IL1RAPL1: variants seen among roughly 807,000 people sequenced by gnomAD.
The protein encoded by IL1RAPL1 is interleukin 1 receptor accessory protein like 1, also known as interleukin-1 receptor accessory protein-like 1.
Under a neutral mutation model 48.4 loss-of-function variants are expected in IL1RAPL1, and 3 were observed. The ratio of observed to expected loss-of-function variants is 0.06; its 90% CI spans 0.03 to 0.16. The LOEUF (loss-of-function observed/expected upper bound fraction) is 0.16, where lower values mean the gene tolerates loss of function less well. Ranked by LOEUF, IL1RAPL1 falls within the 10% of genes least tolerant of loss-of-function variation. The pLI, the probability that IL1RAPL1 is intolerant of heterozygous loss-of-function variation, is 1.00. For synonymous variants in IL1RAPL1, 185 were observed against 187.7 expected (o/e 0.99, Z 0.12); for missense variants, 349 against 530.6 (o/e 0.66, Z 3.36).
chrX:28,825,622 A>G (rs189918878), intron 2 of IL1RAPL1, among the ~76,000 whole-genome samples: 121 of 111,226 alleles, frequency 1.1e-3, no homozygotes, highest in Non-Finnish European at 1.6e-3. Context: ...TTGTGGTTCC[A>G]TTTCATTGGA....
chrX:29,907,381 G>T (rs978158663), intron 6 of IL1RAPL1, among the ~76,000 whole-genome samples: 1 of 110,577 alleles, frequency 9.0e-6, no homozygotes, highest in Non-Finnish European at 1.9e-5. Context: ...TCAATTTTAA[G>T]AAATTATTTT....
chrX:29,783,145 C>T (rs1353987549), intron 6 of IL1RAPL1, among the ~76,000 whole-genome samples: 1 of 109,460 alleles, frequency 9.1e-6, no homozygotes, highest in Non-Finnish European at 1.9e-5. Flanking sequence ...ACCTCGTGAT[C>T]CGCCCGCCTC....
chrX:29,754,647 C>T (rs781097340), intron 6 of IL1RAPL1, among the ~76,000 whole-genome samples: 1 of 112,302 alleles, frequency 8.9e-6, no homozygotes, highest in Non-Finnish European at 1.9e-5. Context: ...TTTCCAGCCT[C>T]CTTTAGCTTG....
intron 2 of IL1RAPL1, among the ~76,000 whole-genome samples, chrX:29,150,741 G>C: frequency 9.2e-6 from 1 of 109,189 alleles, no homozygotes; most frequent in Non-Finnish European, 1.9e-5. Context: ...GACCAACATG[G>C]TGAAACCCCG....
At chrX:29,732,719 T>C (rs1927952027) in intron 6 of IL1RAPL1, among the ~76,000 whole-genome samples, 1 of 112,039 alleles carries the variant, frequency 8.9e-6, no homozygotes, top group African/African-American at 3.2e-5. Flanking sequence ...ATGAATACTT[T>C]TTGGAGAATG....
rs1203248525 is a variant in IL1RAPL1 at position 29,350,191 on chromosome X, T to TTATATATGTATATATATATATATATATA, written c.363-46060_363-46059insGTATATATATATATATATATATATATAT. Among the ~76,000 whole-genome samples, 16 of 39,423 alleles carry TTATATATGTATATATATATATATATATA rather than the reference T, an allele frequency of 4.1e-4. 2 individuals are homozygous for TTATATATGTATATATATATATATATATA. The highest frequency in any genetic ancestry group is 2.6e-3 in the African/African-American group (15 of 5,751). The allele number at this position is 39,423 out of a possible 115,157, so 34.2% of individuals were successfully genotyped here. On this transcript the variant is annotated intron_variant, in intron 3 of 10. Transcript: ENST00000378993. ...CTCCCTTGGTCTACATACTGTTATT[T>TTATATATGTATATATATATATATATATA]TATATATATATATATATATATATAT...
chrX:29,686,589 G>A (rs1255673884), intron 6 of IL1RAPL1, among the ~76,000 whole-genome samples: 2 of 101,511 alleles, frequency 2.0e-5, no homozygotes, highest in East Asian at 3.1e-4. Flanking sequence ...ACTGAGTCTC[G>A]CTCTGTCGCC....
intron 6 of IL1RAPL1, among the ~76,000 whole-genome samples, chrX:29,720,885 G>C (rs1266579998): frequency 8.9e-6 from 1 of 112,259 alleles, no homozygotes; most frequent in Non-Finnish European, 1.9e-5. Context: ...TGGGAAAAAG[G>C]AGCAAATGAT....
At chrX:29,695,465 A>G (rs1018342817) in intron 6 of IL1RAPL1, among the ~76,000 whole-genome samples, 30 of 111,269 alleles carry the variant, frequency 2.7e-4, no homozygotes, top group African/African-American at 9.8e-4. Flanking sequence ...AGCTTAAACA[A>G]CAAACATCTA....
At chrX:29,189,511 G>A (rs1930313552) in intron 2 of IL1RAPL1, among the ~76,000 whole-genome samples, 1 of 110,663 alleles carries the variant, frequency 9.0e-6, no homozygotes, top group Non-Finnish European at 1.9e-5. Context: ...TGTTATATAA[G>A]TTCTCAGAAG....
chrX:28,815,901 A>G (rs1936864914), intron 2 of IL1RAPL1, among the ~76,000 whole-genome samples: 1 of 68,607 alleles, frequency 1.5e-5, no homozygotes, highest in African/African-American at 4.9e-5. Flanking sequence ...TTTCTTAACC[A>G]TTCATCCATT....
chrX:28,716,170 T>C (rs921945855), intron 1 of IL1RAPL1, among the ~76,000 whole-genome samples: 14 of 111,983 alleles, frequency 1.3e-4, no homozygotes, highest in Admixed American at 4.8e-4. Context: ...AAACTAGGTA[T>C]TGAAGGAACA....
At chrX:29,354,456 G>A (rs1203851884) in intron 3 of IL1RAPL1, among the ~76,000 whole-genome samples, 1 of 111,496 alleles carries the variant, frequency 9.0e-6, no homozygotes, top group Non-Finnish European at 1.9e-5. Context: ...CCTACAGTTG[G>A]GCAAAATCGC....
At chrX:29,120,175 T>C (rs1928753989) in intron 2 of IL1RAPL1, among the ~76,000 whole-genome samples, 1 of 112,294 alleles carries the variant, frequency 8.9e-6, no homozygotes, top group South Asian at 3.6e-4. Flanking sequence ...TTGTTTTTGG[T>C]GTACTTGCTT....
chrX:29,871,185 A>G (rs1228998016), intron 6 of IL1RAPL1, among the ~76,000 whole-genome samples: 1 of 111,676 alleles, frequency 9.0e-6, no homozygotes, highest in African/African-American at 3.3e-5. Context: ...TCACAGCGGG[A>G]CAGATTTTCT....
intron 2 of IL1RAPL1, among the ~76,000 whole-genome samples, chrX:29,050,491 A>C (rs1409758715): frequency 9.0e-6 from 1 of 111,680 alleles, no homozygotes; most frequent in African/African-American, 3.3e-5. Context: ...ATAATTTCTA[A>C]ATTTGAATCT....
chrX:29,506,477 T>C (rs866280308), intron 5 of IL1RAPL1, among the ~76,000 whole-genome samples: 2 of 89,927 alleles, frequency 2.2e-5, no homozygotes, highest in African/African-American at 9.4e-5. Context: ...TTCTCATTCT[T>C]CTTCTTCTTT....
At chrX:29,552,802 C>CTTTTTTTTT (rs765234944) in intron 5 of IL1RAPL1, among the ~76,000 whole-genome samples, 159 of 22,963 alleles carry the variant, frequency 6.9e-3, no homozygotes, top group East Asian at 8.8e-3. Context: ...TTTCACTCTC[C>CTTTTTTTTT]TTTTTTTTTT....
intron 8 of IL1RAPL1, among the ~76,000 whole-genome samples, chrX:29,924,104 T>C (rs1267883647): frequency 4.5e-5 from 5 of 112,085 alleles, no homozygotes; most frequent in Admixed American, 1.9e-4. Flanking sequence ...ATAAGACCTC[T>C]CACATAGAGC....
Sources: gnomAD v4.1 joint callset for allele counts (sites outside exome capture counted in the v4.1 genomes callset) on GRCh38, gnomAD v4.1.1 for gene constraint, MANE v1.5 for transcripts, NCBI Gene and HGNC (gene_info 2026-07-23, HGNC 2026-07-21) for gene names.